The following COL19A1 variants were observed in gnomAD, a reference collection of about 807,000 sequenced individuals.
The protein encoded by COL19A1 is collagen alpha-1(XIX) chain.
Under a neutral mutation model 190.2 loss-of-function variants are expected in COL19A1, and 159 were observed. The observed-to-expected ratio is 0.84, with a 90% CI of 0.73 to 0.95. The LOEUF (loss-of-function observed/expected upper bound fraction) is 0.95. Ranked by LOEUF, COL19A1 falls within the 40% of genes least tolerant of loss-of-function variation. The probability of loss-of-function intolerance (pLI) is 0.00; values close to 1 mark genes in which losing one functional copy is unlikely to be tolerated. For synonymous variants in COL19A1, 509 were observed against 458.9 expected, an observed-to-expected ratio of 1.11 and a Z score of -1.39; for missense variants, 1,418 against 1,431.9, an observed-to-expected ratio of 0.99 and a Z score of 0.16.
intron 11 of COL19A1, among the ~76,000 whole-genome samples, chr6:69,985,184 C>T (rs1037148433): frequency 6.6e-6 from 1 of 152,086 alleles, no homozygotes. Context: ...TTAAAAATGG[C>T]ATTCAATATG....
chr6:70,049,450 G>A (rs542026503), intron 14 of COL19A1, among the ~76,000 whole-genome samples: 2 of 152,050 alleles, frequency 1.3e-5, no homozygotes, highest in East Asian at 3.9e-4. Context: ...AAATATTTAT[G>A]TTTTAGCCTC....
chr6:70,083,495 T>C (rs1009165500), intron 15 of COL19A1, among the ~76,000 whole-genome samples: 18 of 152,262 alleles, frequency 1.2e-4, no homozygotes, highest in African/African-American at 4.1e-4. Context: ...TACTGATTCA[T>C]GACAGATTGG....
intron 9 of COL19A1, among the ~76,000 whole-genome samples, chr6:69,947,281 A>T (rs908596133): frequency 1.3e-5 from 2 of 151,932 alleles, no homozygotes; most frequent in African/African-American, 4.8e-5. Context: ...TATCAATAAA[A>T]TGCTATACTG....
chr6:69,922,477 GTTTTTTTTT>G (rs5877232), intron 4 of COL19A1, among the ~76,000 whole-genome samples: 2 of 90,772 alleles, frequency 2.2e-5, no homozygotes, highest in Non-Finnish European at 4.5e-5. Flanking sequence ...TTCTATTTAG[GTTTTTTTTT>G]TTTTTTTTTT....
intron 12 of COL19A1, among the ~76,000 whole-genome samples, chr6:70,033,220 T>C (rs1162967889): frequency 4.5e-4 from 69 of 152,106 alleles, no homozygotes; most frequent in Non-Finnish European, 5.9e-5. Context: ...AGTATCTAAT[T>C]TTCTTTTGTT....
At chr6:70,153,825 C>T (rs1362636083) in intron 31 of COL19A1, among the ~76,000 whole-genome samples, 1 of 151,834 alleles carries the variant, frequency 6.6e-6, no homozygotes, top group Non-Finnish European at 1.5e-5. Flanking sequence ...ATATTTAACT[C>T]CCCTGCCAAC....
At chr6:69,951,540 G>A (rs1410186135) in intron 9 of COL19A1, among the ~76,000 whole-genome samples, 2 of 151,824 alleles carry the variant, frequency 1.3e-5, no homozygotes, top group Non-Finnish European at 2.9e-5. Context: ...ATATTTACAG[G>A]AAAATGTTAA....
intron 15 of COL19A1, among the ~76,000 whole-genome samples, chr6:70,093,247 A>G (rs575800149): frequency 9.2e-5 from 14 of 152,236 alleles, no homozygotes; most frequent in African/African-American, 3.1e-4. Context: ...ACATCCAAAT[A>G]TGGAGGAAAG....
chr6:70,191,024 T>C (rs892451221), intron 48 of COL19A1, among the ~76,000 whole-genome samples: 4 of 152,222 alleles, frequency 2.6e-5, no homozygotes, highest in African/African-American at 9.6e-5. Context: ...TGCACATTCC[T>C]TCGCCTCTTT....
intron 15 of COL19A1, among the ~76,000 whole-genome samples, chr6:70,077,981 G>A (rs929416145): frequency 5.3e-5 from 8 of 152,162 alleles, no homozygotes; most frequent in African/African-American, 1.7e-4. Flanking sequence ...TGTGTTTTAT[G>A]CAGTCTTCCA....
At chr6:70,168,598 A>T in intron 39 of COL19A1, 57 bp from the exon 40 acceptor site, 1 of 1,579,506 alleles carries the variant, frequency 6.3e-7, no homozygotes. Flanking sequence ...AGTGTTTCTT[A>T]TTCTGTAACT....
At chr6:70,068,285 T>C in intron 14 of COL19A1, 138 bp from the exon 15 acceptor site, 1 of 658,110 alleles carries the variant, frequency 1.5e-6, no homozygotes, top group South Asian at 1.7e-5. Flanking sequence ...ATATATTATA[T>C]AGTTCAACCT....
rs570619116 is a variant in COL19A1 at position 70,206,067 on chromosome 6, T to C, written c.3224-834T>C. Among the ~76,000 whole-genome samples, 3 of 152,378 alleles carry C rather than the reference T, an allele frequency of 2.0e-5. No homozygotes were observed. The South Asian group carries it at 6.2e-4, about 32-fold the overall frequency. On this transcript the variant is annotated intron_variant, in intron 49 of 50. Coordinates refer to ENST00000620364, the MANE Select transcript of COL19A1 (RefSeq NM_001858.6). ...CTTTTTAGATGAGTTAACCCACATA[T>C]ACTCATGCTCTTGCTATCATTTATT...
intron 1 of COL19A1, among the ~76,000 whole-genome samples, chr6:69,877,541 T>C (rs1296435068): frequency 6.6e-6 from 1 of 152,196 alleles, no homozygotes; most frequent in Non-Finnish European, 1.5e-5. Flanking sequence ...ACAGTGATTA[T>C]TCAATCCAAT....
chr6:69,928,960 T>C (rs1772574602), intron 5 of COL19A1, among the ~76,000 whole-genome samples: 1 of 152,142 alleles, frequency 6.6e-6, no homozygotes, highest in African/African-American at 2.4e-5. Context: ...AAAGTATCAA[T>C]GGTGAAAGAA....
At chr6:70,119,164 A>G (rs540382758) in intron 16 of COL19A1, among the ~76,000 whole-genome samples, 1 of 152,152 alleles carries the variant, frequency 6.6e-6, no homozygotes, top group Non-Finnish European at 1.5e-5. Flanking sequence ...CACTTCTTGT[A>G]TCTCAGACCA....
chr6:70,099,613 G>A (rs751291684), intron 15 of COL19A1, among the ~76,000 whole-genome samples: 15 of 152,126 alleles, frequency 9.9e-5, no homozygotes, highest in Non-Finnish European at 1.3e-4. Context: ...CAACCTGTAT[G>A]TATTTGGTGG....
intron 15 of COL19A1, among the ~76,000 whole-genome samples, chr6:70,090,091 T>C (rs940417908): frequency 4.6e-5 from 7 of 151,840 alleles, no homozygotes; most frequent in African/African-American, 1.7e-4. Flanking sequence ...GGCAGGAGGA[T>C]ACTTAAGCCC....
chr6:70,044,526 G>T (rs144858541), intron 14 of COL19A1, among the ~76,000 whole-genome samples: 2 of 152,082 alleles, frequency 1.3e-5, no homozygotes, highest in Non-Finnish European at 2.9e-5. Context: ...TGAGAGATGC[G>T]CAACTCTTCC....
Sources: allele counts gnomAD v4.1 joint callset (sites outside exome capture counted in the v4.1 genomes callset), GRCh38; gene constraint gnomAD v4.1.1; transcripts MANE v1.5; gene names NCBI Gene and HGNC (gene_info 2026-07-23, HGNC 2026-07-21).